Variants in RBFOX1 observed in about 807,000 individuals in gnomAD.
The protein encoded by RBFOX1 is RNA binding fox-1 homolog 1.
RBFOX1 carries 8 observed loss-of-function variants against 57.7 expected under a neutral mutation model. The ratio of observed to expected loss-of-function variants is 0.14; its 90% CI spans 0.08 to 0.25. The LOEUF (loss-of-function observed/expected upper bound fraction) is 0.25. Ranked by LOEUF, RBFOX1 falls within the 10% of genes least tolerant of loss-of-function variation. The pLI, the probability that RBFOX1 is intolerant of heterozygous loss-of-function variation, is 1.00. For missense variants in RBFOX1, 611 were observed against 548.5 expected (o/e 1.11, Z -1.14); for synonymous variants, 326 against 222.4 (o/e 1.47, Z -4.15).
intron 3 of RBFOX1, among the ~76,000 whole-genome samples, chr16:6,657,392 G>A (rs188414194): frequency 8.2e-4 from 125 of 152,220 alleles, no homozygotes; most frequent in African/African-American, 2.7e-3. Flanking sequence ...AGAAGCAAAC[G>A]CTAATGATCC....
intron 3 of RBFOX1, among the ~76,000 whole-genome samples, chr16:6,883,047 C>G (rs1034037225): frequency 3.3e-5 from 5 of 152,152 alleles, no homozygotes; most frequent in African/African-American, 1.2e-4. Context: ...TGTCTCCTGA[C>G]ATTGCTGTAT....
intron 3 of RBFOX1, among the ~76,000 whole-genome samples, chr16:6,697,564 G>T (rs552688883): frequency 8.5e-5 from 13 of 152,320 alleles, no homozygotes; most frequent in Non-Finnish European, 1.6e-4. Flanking sequence ...CACTGGAGCA[G>T]CTTGAGTCAA....
chr16:7,567,651 C>T (rs912465093), intron 5 of RBFOX1, among the ~76,000 whole-genome samples: 2 of 59,020 alleles, frequency 3.4e-5, no homozygotes, highest in South Asian at 7.0e-4. Context: ...ATATATGGCC[C>T]TATATATATA....
chr16:6,637,844 C>G (rs1018404526), intron 2 of RBFOX1, among the ~76,000 whole-genome samples: 8 of 151,990 alleles, frequency 5.3e-5, no homozygotes, highest in African/African-American at 1.9e-4. Flanking sequence ...CACTGGATTA[C>G]AATTCTGAAA....
intron 1 of RBFOX1, among the ~76,000 whole-genome samples, chr16:5,343,509 G>C (rs2065077811): frequency 6.6e-6 from 1 of 151,098 alleles, no homozygotes; most frequent in African/African-American, 2.4e-5. Flanking sequence ...TTTTAGTAGA[G>C]AGGGGGTTTC....
intron 4 of RBFOX1, among the ~76,000 whole-genome samples, chr16:7,195,525 T>G (rs936957026): frequency 6.6e-6 from 1 of 152,138 alleles, no homozygotes; most frequent in Non-Finnish European, 1.5e-5. Context: ...CTACGATGCT[T>G]GCTCTTGCTC....
chr16:7,379,919 C>T (rs1403176820), intron 4 of RBFOX1, among the ~76,000 whole-genome samples: 1 of 152,132 alleles, frequency 6.6e-6, no homozygotes, highest in Non-Finnish European at 1.5e-5. Context: ...ATGGCACCAT[C>T]ATATCTCACC....
chr16:7,512,576 C>G (rs1214145371), intron 4 of RBFOX1, among the ~76,000 whole-genome samples: 4 of 152,192 alleles, frequency 2.6e-5, no homozygotes, highest in African/African-American at 4.8e-5. Context: ...AGGATGAAAT[C>G]TGGAGTCCCA....
At chr16:6,544,608 C>T (rs2096869536) in intron 2 of RBFOX1, among the ~76,000 whole-genome samples, 1 of 152,166 alleles carries the variant, frequency 6.6e-6, no homozygotes, top group Non-Finnish European at 1.5e-5. Flanking sequence ...TCATTAACTT[C>T]ATGGGTGCAT....
chr16:6,848,633 G>A (rs550559467), intron 3 of RBFOX1, among the ~76,000 whole-genome samples: 1 of 152,202 alleles, frequency 6.6e-6, no homozygotes, highest in East Asian at 1.9e-4. Context: ...AGAGAGAGAT[G>A]ATGGAAGGAA....
chr16:5,748,970 G>A (rs1428836244), intron 3 of RBFOX1, among the ~76,000 whole-genome samples: 1 of 152,180 alleles, frequency 6.6e-6, no homozygotes, highest in African/African-American at 2.4e-5. Context: ...TAGCCTTGAT[G>A]GTCTTTACAA....
At chr16:6,426,310 G>T (rs981655493) in intron 2 of RBFOX1, among the ~76,000 whole-genome samples, 1 of 151,984 alleles carries the variant, frequency 6.6e-6, no homozygotes, top group Non-Finnish European at 1.5e-5. Flanking sequence ...AGAGAGAGAA[G>T]GGAGAAGGGA....
intron 2 of RBFOX1, among the ~76,000 whole-genome samples, chr16:6,333,555 C>T (rs776888381): frequency 7.2e-5 from 11 of 152,058 alleles, no homozygotes; most frequent in Non-Finnish European, 1.6e-4. Context: ...GCTTTTCATC[C>T]TTGATTTTTC....
chr16:6,524,374 T>C (rs944743386), intron 2 of RBFOX1, among the ~76,000 whole-genome samples: 4 of 152,230 alleles, frequency 2.6e-5, no homozygotes, highest in African/African-American at 9.6e-5. Context: ...ATACCACACT[T>C]GCTGTGTGCA....
chr16:6,986,611 T>C (rs2090345865), intron 3 of RBFOX1, among the ~76,000 whole-genome samples: 1 of 152,188 alleles, frequency 6.6e-6, no homozygotes, highest in African/African-American at 2.4e-5. Flanking sequence ...CAGTTTTTAA[T>C]ATTAAATATT....
At chr16:7,100,305 T>A (rs2062455680) in intron 4 of RBFOX1, among the ~76,000 whole-genome samples, 1 of 152,150 alleles carries the variant, frequency 6.6e-6, no homozygotes, top group African/African-American at 2.4e-5. Flanking sequence ...TGACTCTTTC[T>A]GAAAATAAAA....
chr16:5,628,683 A>C (rs979901670), intron 3 of RBFOX1, among the ~76,000 whole-genome samples: 1 of 152,186 alleles, frequency 6.6e-6, no homozygotes, highest in African/African-American at 2.4e-5. Context: ...AAGCCTTGCT[A>C]TTACAGTCCT....
chr16:7,683,025 T>TGTGTGTGTGTGTATATATACACACACAC (rs1597996057), intron 14 of RBFOX1, among the ~76,000 whole-genome samples: 1 of 446 alleles, frequency 2.2e-3, no homozygotes, highest in African/African-American at 4.9e-3. Context: ...TATATATATA[T>TGTGTGTGTGTGTATATATACACACACAC]ATATATATAA....
At chr16:7,698,519 C>G (rs1334406060) in intron 14 of RBFOX1, among the ~76,000 whole-genome samples, 1 of 151,962 alleles carries the variant, frequency 6.6e-6, no homozygotes, top group Non-Finnish European at 1.5e-5. Flanking sequence ...TTTTCTATCC[C>G]CACTTCTCAA....
Sources: gnomAD v4.1 joint callset for allele counts (sites outside exome capture counted in the v4.1 genomes callset) on GRCh38, gnomAD v4.1.1 for gene constraint, MANE v1.5 for transcripts, NCBI Gene and HGNC (gene_info 2026-07-23, HGNC 2026-07-21) for gene names.